SGCD: variants seen among roughly 807,000 people sequenced by gnomAD.
SGCD encodes the protein sarcoglycan delta, also known as delta-sarcoglycan.
Under a neutral mutation model 36.6 loss-of-function variants are expected in SGCD, and 18 were observed. The observed-to-expected ratio is 0.49, with a 90% CI of 0.34 to 0.73. The LOEUF (loss-of-function observed/expected upper bound fraction) is 0.73. Among genes scored for constraint, SGCD ranks in the 30% least tolerant of loss-of-function variants. SGCD has a pLI of 0.01. For missense variants in SGCD, 387 were observed against 346.7 expected (o/e 1.12, Z -0.92); for synonymous variants, 133 against 130.6 (o/e 1.02, Z -0.12).
At chr5:156,137,966 G>GA (rs1442177025) in intron 3 of SGCD, among the ~76,000 whole-genome samples, 2 of 152,052 alleles carry the variant, frequency 1.3e-5, no homozygotes, top group African/African-American at 2.4e-5. Context: ...TTAAATGTGG[G>GA]ATCTGAATTT....
chr5:156,139,699 T>C (rs79408353), intron 3 of SGCD, among the ~76,000 whole-genome samples: 3,073 of 152,188 alleles, frequency 0.02, 44 homozygotes, highest in Non-Finnish European at 0.034. Context: ...AAACTTTCAC[T>C]CCCCCGTTTT....
chr5:156,032,330 T>C (rs546821420), intron 1 of SGCD, among the ~76,000 whole-genome samples: 1 of 152,266 alleles, frequency 6.6e-6, no homozygotes, highest in Admixed American at 6.5e-5. Flanking sequence ...TGGGTTGTAT[T>C]CTTTTTTGTT....
intron 3 of SGCD, among the ~76,000 whole-genome samples, chr5:156,453,388 T>C (rs1267129002): frequency 1.3e-5 from 2 of 152,104 alleles, no homozygotes; most frequent in Admixed American, 1.3e-4. Context: ...TCACAAGTAT[T>C]CAATTAGGGG....
chr5:156,556,984 T>C (rs1453773894), intron 4 of SGCD, among the ~76,000 whole-genome samples: 2 of 152,216 alleles, frequency 1.3e-5, no homozygotes, highest in African/African-American at 4.8e-5. Flanking sequence ...GAGCTATAAG[T>C]GTACCTTGCT....
chr5:156,598,101 G>A (rs35305422), intron 6 of SGCD, among the ~76,000 whole-genome samples: 5,434 of 152,152 alleles, frequency 0.036, 324 homozygotes, highest in African/African-American at 0.12. Context: ...CTCCAGCCTC[G>A]GTGCACTTCA....
the SGCD span, among the ~76,000 whole-genome samples, chr5:155,729,029 C>G: frequency 6.6e-6 from 1 of 152,258 alleles, no homozygotes; most frequent in East Asian, 1.9e-4. Flanking sequence ...TTACCCCCAG[C>G]TAGCGGCTTG....
chr5:156,511,607 G>C (rs550241880), intron 4 of SGCD, among the ~76,000 whole-genome samples: 53 of 152,170 alleles, frequency 3.5e-4, no homozygotes, highest in Non-Finnish European at 5.3e-4. Context: ...CAGCTCAGAT[G>C]TCACCTGTTT....
chr5:156,149,516 C>G (rs2127614248), intron 3 of SGCD, among the ~76,000 whole-genome samples: 1 of 152,280 alleles, frequency 6.6e-6, no homozygotes, highest in East Asian at 1.9e-4. Flanking sequence ...TTCCTTGTCT[C>G]TTGGTTCTCA....
intron 1 of SGCD, among the ~76,000 whole-genome samples, chr5:155,986,328 AT>A (rs1400678994): frequency 1.3e-5 from 2 of 152,110 alleles, no homozygotes; most frequent in Non-Finnish European, 2.9e-5. Context: ...AAAAGGACCA[AT>A]TTTTTTACTA....
chr5:156,539,235 CATACACACAA>C (rs1196573950), intron 4 of SGCD, among the ~76,000 whole-genome samples: 1 of 151,962 alleles, frequency 6.6e-6, no homozygotes, highest in Non-Finnish European at 1.5e-5. Context: ...CACACACACA[CATACACACAA>C]AATTTTATAT....
intron 3 of SGCD, among the ~76,000 whole-genome samples, chr5:156,457,766 G>A (rs542147330): frequency 5.3e-5 from 8 of 152,280 alleles, no homozygotes; most frequent in Admixed American, 3.9e-4. Context: ...ACAGTTGGTT[G>A]GGAGACATGT....
chr5:155,891,464 C>G (rs1756127229), intron 1 of SGCD, among the ~76,000 whole-genome samples: 1 of 149,542 alleles, frequency 6.7e-6, no homozygotes, highest in Non-Finnish European at 1.5e-5. Flanking sequence ...TAGTACTCAT[C>G]TAATTAACTC....
chr5:156,288,113 T>C (rs1186936794), intron 3 of SGCD, among the ~76,000 whole-genome samples: 1 of 152,184 alleles, frequency 6.6e-6, no homozygotes, highest in Non-Finnish European at 1.5e-5. Context: ...GAATATCTTT[T>C]GAATGTAGGC....
At chr5:155,821,085 A>G in the SGCD span, among the ~76,000 whole-genome samples, 2 of 152,232 alleles carry the variant, frequency 1.3e-5, no homozygotes, top group Non-Finnish European at 2.9e-5. Context: ...TAGAAGCACC[A>G]TTCTAAAGCA....
intron 1 of SGCD, among the ~76,000 whole-genome samples, chr5:156,327,826 T>C (rs960559857): frequency 6.6e-6 from 1 of 152,248 alleles, no homozygotes; most frequent in Non-Finnish European, 1.5e-5. Flanking sequence ...GTCAGTGATA[T>C]ATTTGCCTAG....
chr5:155,947,217 T>C lies in SGCD; in HGVS notation c.-282+76793T>C, dbSNP rs996186538. Reference sequence around the variant, plus strand: ...TAATTCTTGCAACAGTCTAGTGATATAGTTATTATTAGCCCCGCTTAGCAG... The same window carrying C: ...TAATTCTTGCAACAGTCTAGTGATACAGTTATTATTAGCCCCGCTTAGCAG... On this transcript the variant is annotated intron_variant, in intron 1 of 9. Transcript: ENST00000517913. Among the ~76,000 whole-genome samples, 9 of 152,264 alleles carry C rather than the reference T, an allele frequency of 5.9e-5. No homozygotes were observed. In the South Asian group the frequency reaches 1.7e-3, roughly 28 times the overall value.
At chr5:156,008,737 T>C (rs929266125) in intron 1 of SGCD, among the ~76,000 whole-genome samples, 2 of 152,200 alleles carry the variant, frequency 1.3e-5, no homozygotes, top group South Asian at 4.1e-4. Flanking sequence ...TACTCCAATA[T>C]GACTTTATTG....
At chr5:156,452,533 A>G (rs1754065909) in intron 3 of SGCD, among the ~76,000 whole-genome samples, 1 of 152,170 alleles carries the variant, frequency 6.6e-6, no homozygotes, top group Non-Finnish European at 1.5e-5. Flanking sequence ...TGCAGAAACA[A>G]AATATTTCTT....
intron 1 of SGCD, among the ~76,000 whole-genome samples, chr5:156,047,847 A>C (rs1581061883): frequency 6.6e-6 from 1 of 151,958 alleles, no homozygotes; most frequent in East Asian, 1.9e-4. Context: ...TTATACTTTA[A>C]GTTTTAGGGT....
Sources: allele counts gnomAD v4.1 joint callset (sites outside exome capture counted in the v4.1 genomes callset), GRCh38; gene constraint gnomAD v4.1.1; transcripts MANE v1.5; gene names NCBI Gene and HGNC (gene_info 2026-07-23, HGNC 2026-07-21).